The following GLI1 variants were observed in gnomAD, a reference collection of about 807,000 sequenced individuals.
The protein encoded by GLI1 is GLI family zinc finger 1.
GLI1 carries 51 observed loss-of-function variants against 87.8 expected under a neutral mutation model. The ratio of observed to expected loss-of-function variants is 0.58; its 90% CI spans 0.46 to 0.73. The LOEUF is 0.73. Among genes scored for constraint, GLI1 ranks in the 30% least tolerant of loss-of-function variants. The pLI is 0.00. For missense variants in GLI1, 1,292 were observed against 1,437.2 expected (o/e 0.90, Z 1.63); for synonymous variants, 528 against 558.2 (o/e 0.95, Z 0.76).
intron 1 of GLI1, among the ~76,000 whole-genome samples, chr12:57,460,778 C>CG (rs368903024): frequency 0.015 from 628 of 40,856 alleles, 1 homozygote; most frequent in Non-Finnish European, 0.019. Flanking sequence ...GGGGCTGGGG[C>CG]GGGGGGGGGC....
rs143462399 is a variant in GLI1, at chr12:57,470,364, C to T, written c.1624C>T (p.Arg542Cys). 36 of 1,607,986 alleles carry T rather than the reference C, an allele frequency of 2.2e-5. No homozygotes were observed. In the East Asian group the frequency reaches 4.0e-4, roughly 18 times the overall value. ...RVGPPVSLER[R>C]SSSSSSISSA... Reference sequence around the variant, plus strand: ...GGGCCCCCCAGTCTCTCTTGAACGCCGCAGCAGCAGCTCCAGCAGCATCAG... The same window carrying T: ...GGGCCCCCCAGTCTCTCTTGAACGCTGCAGCAGCAGCTCCAGCAGCATCAG... Residue 542 changes from arginine to cysteine, a missense_variant, in exon 12 of 12, where the codon CGC (arginine) becomes TGC (cysteine). Arg to Cys is a radical substitution (Grantham distance 180). Around this residue, in one of 3 missense-constraint regions of GLI1, gnomAD observed 897 missense variants for 1,040.7 expected, o/e 0.86. Coordinates refer to ENST00000228682, the MANE Select transcript of GLI1 (RefSeq NM_005269.3).
chr12:57,469,567 A>G lies in GLI1; in HGVS notation c.1445A>G (p.Asp482Gly). The G allele has an allele frequency of 1.9e-6, 3 of 1,614,154 alleles. No individual in the cohort carries two copies. The highest frequency in any genetic ancestry group is 2.5e-6 in the Non-Finnish European group (3 of 1,180,020). ...AGCACTGAAGACCTCTCCAGCTTGG[A>G]CGAGGGACCTTGCATTGCTGGCACT... ...GGSTEDLSSL[D>G]EGPCIAGTGL... The change falls in exon 11 of 12, where the codon GAC becomes GGC. Residue 482 changes from aspartate to glycine, a missense_variant. By Grantham distance (94) the Asp-to-Gly change is moderately conservative. Transcript: ENST00000228682.
At position 57,468,026 on chromosome 12, in the gene GLI1, C is replaced by A. The variant is rs748147467; in HGVS notation, c.1110C>A (p.Thr370=). ...KPYVCKLPGC[T]KRYTDPSSLR... is the part of the protein sequence containing the mutation. ...ATGTATGTAAGCTCCCTGGCTGCAC[C>A]AAACGCTATACAGATCCTAGCTCGC... Residue 370 remains threonine (T), a synonymous_variant, in exon 10 of 12, where the codon ACC becomes ACA. Transcript: ENST00000228682. 4 of 1,614,150 alleles carry A rather than the reference C, an allele frequency of 2.5e-6. No individual in the cohort carries two copies. Among genetic ancestry groups the A allele is most frequent in the African/African-American group, 1.3e-5 (1 of 75,062 alleles).
At chr12:57,461,397 G>A (rs4760255) in intron 1 of GLI1, among the ~76,000 whole-genome samples, 85,955 of 151,834 alleles carry the variant, frequency 0.57, 25,280 homozygotes, top group Middle Eastern at 0.74. Context: ...GGGGTCTGGA[G>A]GGGTTAACCC....
chr12:57,465,267 C>T lies in GLI1; in HGVS notation c.534+12C>T. On this transcript the variant is annotated intron_variant, in intron 5 of 11. Transcript: ENST00000228682. ...TCCCAACTTGCCAGGTGAGAGTCCC[C>T]ATATTGCTACCTGATTTCCCTCAGC... 1 of 1,502,928 alleles carries T rather than the reference C, an allele frequency of 6.7e-7. No individual in the cohort carries two copies. Among genetic ancestry groups the T allele is most frequent in the South Asian group, 1.1e-5 (1 of 87,508 alleles). The allele number at this position is 1,502,928 out of a possible 1,614,324, so 93.1% of individuals were successfully genotyped here. A position where few individuals can be genotyped will look rare whatever the true frequency, so the allele number is the denominator to read the frequency against.
intron 1 of GLI1, chr12:57,460,437 C>G (rs930370329): frequency 1.3e-5 from 2 of 152,234 alleles, no homozygotes; most frequent in African/African-American, 4.8e-5. Context: ...CTCAGGGAAC[C>G]GTGGGTCTTT....
At position 57,470,336 on chromosome 12, in the gene GLI1, C is replaced by T. The variant is rs201160292; in HGVS notation, c.1596C>T (p.Arg532=). Residue 532 remains arginine, a synonymous_variant, in exon 12 of 12, where the codon CGC becomes CGT. Transcript: ENST00000228682. ...LSHTGTTVSR[R]VGPPVSLERR... ...TTGCAGGTACCACTGTGTCCCGCCG[C>T]GTGGGCCCCCCAGTCTCTCTTGAAC... 6.4e-6 allele frequency: 10 copies of T among 1,574,106 alleles called. No individual in the cohort carries two copies. Among genetic ancestry groups the T allele is most frequent in the African/African-American group, 2.7e-5 (2 of 73,950 alleles).
intron 3 of GLI1, among the ~76,000 whole-genome samples, chr12:57,464,401 AGT>A (rs942615681): frequency 6.6e-6 from 1 of 152,078 alleles, no homozygotes; most frequent in Non-Finnish European, 1.5e-5. Flanking sequence ...TTGCACCTGT[AGT>A]GCCGATTACA....
At chr12:57,462,742 C>G (rs1253741508) in intron 1 of GLI1, among the ~76,000 whole-genome samples, 2 of 152,206 alleles carry the variant, frequency 1.3e-5, no homozygotes, top group Non-Finnish European at 2.9e-5. Context: ...AGGAACCTTA[C>G]CTCCTCCTCC....
intron 11 of GLI1, 104 bp from the exon 12 acceptor site, chr12:57,470,213 G>A (rs1351222992): frequency 4.8e-6 from 4 of 830,812 alleles, no homozygotes; most frequent in Non-Finnish European, 5.8e-6. Flanking sequence ...TAGGGATAAC[G>A]AGCTTACCCC....
At chr12:57,466,753 AATT>A (rs1203894554) in intron 8 of GLI1, among the ~76,000 whole-genome samples, 1 of 151,912 alleles carries the variant, frequency 6.6e-6, no homozygotes, top group African/African-American at 2.4e-5. Flanking sequence ...AAAATATAAA[AATT>A]AGCTGGGCGT....
chr12:57,464,260 T>A (rs895385645), intron 3 of GLI1, among the ~76,000 whole-genome samples, 169 bp downstream of exon 3: 1 of 152,216 alleles, frequency 6.6e-6, no homozygotes, highest in Non-Finnish European at 1.5e-5. Context: ...GGCTCACGCC[T>A]GTAATCCCAG....
At position 57,465,782 on chromosome 12, in the gene GLI1, CCCT is replaced by C; in HGVS notation, c.625-5_625-3del. On this transcript the variant is annotated splice_region_variant and splice_polypyrimidine_tract_variant and intron_variant, in intron 6 of 11. Coordinates refer to ENST00000228682, the MANE Select transcript of GLI1 (RefSeq NM_005269.3). ...AGTGACCCTGAGATTGCCTCTCTTG[CCCT>C]AGGATCCCCTGTTGGGGATGCTGGA... 1 of 1,613,964 alleles carries C rather than the reference CCCT, an allele frequency of 6.2e-7. No individual in the cohort carries two copies. The highest frequency in any genetic ancestry group is 1.1e-5 in the South Asian group (1 of 91,082).
rs772813225 is a variant in GLI1, at chr12:57,468,123, C to A, written c.1207C>A (p.Leu403Met). The change falls in exon 10 of 12, where the codon CTG becomes ATG. Residue 403 changes from leucine to methionine, a missense_variant. Physicochemically the swap from Leu to Met is conservative, Grantham distance 15. Transcript: ENST00000228682. Reference sequence around the variant, plus strand: ...CAAACGGCACCGTGGGGATGGCCCCCTGCCTCGGGCACCATCCATTTCTAC... The same window carrying A: ...CAAACGGCACCGTGGGGATGGCCCCATGCCTCGGGCACCATCCATTTCTAC... Reference protein sequence around the residue: ...VTKRHRGDGPLPRAPSISTVE... With the variant: ...VTKRHRGDGPMPRAPSISTVE... The A allele has an allele frequency of 6.2e-7, 1 of 1,614,218 alleles. No homozygotes were observed. Among genetic ancestry groups the A allele is most frequent in the African/African-American group, 1.3e-5 (1 of 75,074 alleles).
chr12:57,465,763 C>A, intron 6 of GLI1, 25 bp from the exon 7 acceptor site: 1 of 1,613,932 alleles, frequency 6.2e-7, no homozygotes, highest in African/African-American at 1.3e-5. Context: ...CCCAAGTGAC[C>A]CTGAGATTGC....
chr12:57,464,280 G>C (rs1407627000), intron 3 of GLI1, among the ~76,000 whole-genome samples, 189 bp downstream of exon 3: 2 of 152,050 alleles, frequency 1.3e-5, no homozygotes, highest in African/African-American at 4.8e-5. Context: ...GCACTTTGTG[G>C]GGAAGCCGTG....
Position 57,465,245 on chromosome 12 carries a change from C to T in GLI1, c.524C>T (p.Pro175Leu), listed in dbSNP as rs766741235. 7 of 1,609,770 alleles carry T rather than the reference C, an allele frequency of 4.3e-6. No individual in the cohort carries two copies. The South Asian group carries it at 7.7e-5, about 18-fold the overall frequency. ...CATCCTCAGTCCCGGGGACCCTTCCCAACTTGCCAGGTGAGAGTCCCCATA... is the reference window on the plus strand; with the variant it reads ...CATCCTCAGTCCCGGGGACCCTTCCTAACTTGCCAGGTGAGAGTCCCCATA... ...IPHPQSRGPFPTCQLKSELDM... is the reference protein window; with the variant it reads ...IPHPQSRGPFLTCQLKSELDM... The change falls in exon 5 of 12, where the codon CCA becomes CTA. Residue 175 changes from proline to leucine, a missense_variant. This residue lies in a region of GLI1 where 383 missense variants were observed against 368.4 expected (regional missense o/e 1.04). Transcript: ENST00000228682.
chr12:57,464,993 C>T, intron 4 of GLI1, 118 bp from the exon 5 acceptor site: 1 of 1,257,020 alleles, frequency 8.0e-7, no homozygotes, highest in Non-Finnish European at 1.2e-6. Context: ...CTCCTCAGTA[C>T]TTCCCTGGGA....
chr12:57,467,045 A>G (rs1289742407), intron 8 of GLI1, among the ~76,000 whole-genome samples: 2 of 152,082 alleles, frequency 1.3e-5, no homozygotes, highest in Non-Finnish European at 2.9e-5. Context: ...CCCCAAGATG[A>G]CCCCATCTTG....
Sources: gnomAD v4.1 joint callset for allele counts (sites outside exome capture counted in the v4.1 genomes callset) on GRCh38, gnomAD v4.1.1 for gene constraint, gnomAD v4.1.1 regional missense constraint, MANE v1.5 for transcripts, NCBI Gene and HGNC (gene_info 2026-07-23, HGNC 2026-07-21) for gene names.